IQCM: variants seen among roughly 807,000 people sequenced by gnomAD.
The protein encoded by IQCM is IQ motif containing M, also known as IQ domain-containing protein M.
In IQCM, 45 loss-of-function variants were observed where a neutral mutation model predicts 57.6. The observed-to-expected ratio is 0.78, with a 90% CI of 0.62 to 1.00. The LOEUF (loss-of-function observed/expected upper bound fraction) is 1.00, where lower values mean the gene tolerates loss of function less well. IQCM is among the 50% of genes least tolerant of loss of function. IQCM has a pLI of 0.00. For synonymous variants in IQCM, 148 were observed against 158.9 expected, an observed-to-expected ratio of 0.93 and a Z score of 0.51; for missense variants, 468 against 511.6, an observed-to-expected ratio of 0.91 and a Z score of 0.82.
intron 12 of IQCM, among the ~76,000 whole-genome samples, chr4:149,442,816 C>T (rs1026545051): frequency 1.1e-4 from 17 of 152,012 alleles, no homozygotes; most frequent in African/African-American, 2.9e-4. Context: ...TTCTGTAAGG[C>T]TCCTCAATAT....
chr4:149,707,380 T>A (rs535859518), intron 5 of IQCM, among the ~76,000 whole-genome samples: 1 of 152,202 alleles, frequency 6.6e-6, no homozygotes, highest in East Asian at 1.9e-4. Context: ...ACACATTGTT[T>A]ATAAGATATG....
intron 12 of IQCM, among the ~76,000 whole-genome samples, chr4:149,448,805 T>C (rs756775322): frequency 6.6e-6 from 1 of 151,714 alleles, no homozygotes; most frequent in African/African-American, 2.4e-5. Context: ...AAGCTGTACA[T>C]ATGAAAGAAA....
At chr4:149,615,194 A>G (rs1444233967) in intron 8 of IQCM, among the ~76,000 whole-genome samples, 1 of 152,090 alleles carries the variant, frequency 6.6e-6, no homozygotes, top group Admixed American at 6.6e-5. Context: ...TGCTTCATAC[A>G]TTATAAAGTT....
At chr4:149,368,167 C>T (rs1300748282) in intron 13 of IQCM, among the ~76,000 whole-genome samples, 1 of 151,788 alleles carries the variant, frequency 6.6e-6, no homozygotes, top group African/African-American at 2.4e-5. Context: ...AATACCTTTC[C>T]TGTTCCTAAA....
chr4:149,470,026 A>T (rs1236774709), intron 12 of IQCM, among the ~76,000 whole-genome samples: 2 of 152,216 alleles, frequency 1.3e-5, no homozygotes, highest in African/African-American at 4.8e-5. Context: ...AACATGCCAC[A>T]TTGTAAAGAC....
chr4:149,604,707 C>T (rs1209410796), intron 8 of IQCM, among the ~76,000 whole-genome samples: 1 of 152,094 alleles, frequency 6.6e-6, no homozygotes, highest in Non-Finnish European at 1.5e-5. Flanking sequence ...TAAATTTATT[C>T]CTAAGAACAT....
chr4:149,694,559 C>A (rs930057699), intron 5 of IQCM, among the ~76,000 whole-genome samples: 22 of 151,880 alleles, frequency 1.4e-4, no homozygotes, highest in Non-Finnish European at 2.2e-4. Context: ...CACACACACA[C>A]AAAAAACAGC....
intron 8 of IQCM, among the ~76,000 whole-genome samples, chr4:149,596,746 G>A (rs555781885): frequency 1.2e-3 from 180 of 152,196 alleles, no homozygotes; most frequent in African/African-American, 4.1e-3. Flanking sequence ...TCAGATTACT[G>A]TAATGCCGTA....
intron 12 of IQCM, among the ~76,000 whole-genome samples, chr4:149,506,944 C>T (rs1046679093): frequency 1.3e-5 from 2 of 152,126 alleles, no homozygotes; most frequent in African/African-American, 2.4e-5. Context: ...GTTGGCTGTG[C>T]CCCCACCCAA....
chr4:149,693,144 T>C (rs1580015302), intron 5 of IQCM, among the ~76,000 whole-genome samples: 2 of 152,162 alleles, frequency 1.3e-5, no homozygotes, highest in Non-Finnish European at 2.9e-5. Flanking sequence ...AAATCAATCA[T>C]CCATTCAATT....
chr4:149,420,676 C>G (rs1734061219), intron 13 of IQCM, among the ~76,000 whole-genome samples: 1 of 151,920 alleles, frequency 6.6e-6, no homozygotes, highest in African/African-American at 2.4e-5. Flanking sequence ...ACAATTACCT[C>G]AAACTTAAAA....
At chr4:149,469,728 G>A (rs2066613195) in intron 12 of IQCM, among the ~76,000 whole-genome samples, 2 of 152,282 alleles carry the variant, frequency 1.3e-5, no homozygotes, top group Middle Eastern at 6.8e-3. Context: ...AGAGAGAAAG[G>A]TCGGGTTACC....
chr4:149,437,943 A>G (rs958014131), intron 12 of IQCM, among the ~76,000 whole-genome samples: 1 of 151,998 alleles, frequency 6.6e-6, no homozygotes, highest in East Asian at 1.9e-4. Flanking sequence ...TTTCTAACGT[A>G]CCCGCCCCTT....
At chr4:149,396,230 C>T (rs1314364556) in intron 13 of IQCM, among the ~76,000 whole-genome samples, 1 of 151,440 alleles carries the variant, frequency 6.6e-6, no homozygotes, top group Non-Finnish European at 1.5e-5. Context: ...TAGTTGTCCC[C>T]CAAATGTCTA....
At chr4:149,771,953 A>G (rs1770625287) in intron 2 of IQCM, among the ~76,000 whole-genome samples, 1 of 152,136 alleles carries the variant, frequency 6.6e-6, no homozygotes. Flanking sequence ...CATTTCAATC[A>G]GTTAAATCTT....
At chr4:149,388,017 T>G (rs909418234) in intron 13 of IQCM, among the ~76,000 whole-genome samples, 1 of 152,056 alleles carries the variant, frequency 6.6e-6, no homozygotes, top group African/African-American at 2.4e-5. Flanking sequence ...GCATCAATAC[T>G]CCATCATTTT....
chr4:149,623,503 C>T (rs541211318), intron 7 of IQCM, among the ~76,000 whole-genome samples: 11 of 152,336 alleles, frequency 7.2e-5, no homozygotes, highest in African/African-American at 2.6e-4. Flanking sequence ...TAATCATTCA[C>T]ATACTGATGT....
chr4:149,779,171 T>C (rs1028877518), intron 2 of IQCM, among the ~76,000 whole-genome samples: 3 of 152,188 alleles, frequency 2.0e-5, no homozygotes, highest in Admixed American at 1.3e-4. Flanking sequence ...GCTGGCTTCA[T>C]ATTCAAAAAC....
At chr4:149,668,697 T>C (rs1760965222) in intron 7 of IQCM, among the ~76,000 whole-genome samples, 1 of 152,142 alleles carries the variant, frequency 6.6e-6, no homozygotes, top group Admixed American at 6.5e-5. Flanking sequence ...AAGTAAATGC[T>C]GAAGTAAAAT....
Sources: gnomAD v4.1 joint callset for allele counts (sites outside exome capture counted in the v4.1 genomes callset) on GRCh38, gnomAD v4.1.1 for gene constraint, MANE v1.5 for transcripts, NCBI Gene and HGNC (gene_info 2026-07-23, HGNC 2026-07-21) for gene names.